The following DPYD variants were observed in gnomAD, a reference collection of about 807,000 sequenced individuals.
DPYD encodes dihydropyrimidine dehydrogenase [NADP(+)].
DPYD carries 109 observed loss-of-function variants against 116.2 expected under a neutral mutation model. That is an observed-to-expected ratio of 0.94 (90% CI 0.80 to 1.10). The LOEUF is 1.10. Ranked by LOEUF, DPYD falls within the 50% of genes least tolerant of loss-of-function variation. The pLI, the probability that DPYD is intolerant of heterozygous loss-of-function variation, is 0.00. For synonymous variants in DPYD, 440 were observed against 432.0 expected (o/e 1.02, Z -0.23); for missense variants, 1,302 against 1,254.5 (o/e 1.04, Z -0.57).
rs74678736 is a variant in DPYD at position 97,571,143 on chromosome 1, A to G, written c.1339+2617T>C. On this transcript the variant is annotated intron_variant, in intron 11 of 22. Coordinates refer to ENST00000370192, the MANE Select transcript of DPYD (RefSeq NM_000110.4). The stretch of plus-strand genomic sequence containing the variant: ...ATTTCACTGAAGAAATAAATACGAT[A>G]AGGAGAGAAAATGAACAAATTCTGA... Among the ~76,000 whole-genome samples, 1,048 of 152,124 alleles carry G rather than the reference A, an allele frequency of 6.9e-3. 11 individuals are homozygous for G. The highest frequency in any genetic ancestry group is 0.024 in the African/African-American group (1,008 of 41,546).
chr1:97,468,157 A>C (rs2101842872), intron 13 of DPYD, among the ~76,000 whole-genome samples: 1 of 152,270 alleles, frequency 6.6e-6, no homozygotes, highest in Admixed American at 6.5e-5. Context: ...TGGACACTAA[A>C]ATTTGACTTC....
chr1:97,673,203 A>G (rs761106750), intron 8 of DPYD, among the ~76,000 whole-genome samples: 1 of 152,036 alleles, frequency 6.6e-6, no homozygotes. Flanking sequence ...CTTACCCATC[A>G]AAGAGTGTTA....
chr1:97,801,421 C>T (rs1244178691), intron 3 of DPYD, among the ~76,000 whole-genome samples: 1 of 151,840 alleles, frequency 6.6e-6, no homozygotes, highest in Non-Finnish European at 1.5e-5. Flanking sequence ...ATGGATACAG[C>T]TTATGTCACT....
chr1:97,668,085 T>C (rs1006134711), intron 8 of DPYD, among the ~76,000 whole-genome samples: 7 of 152,174 alleles, frequency 4.6e-5, no homozygotes, highest in Non-Finnish European at 1.5e-5. Flanking sequence ...TGAATAGTGC[T>C]GATGGTTGCA....
At chr1:97,549,863 T>G in intron 11 of DPYD, 119 bp from the exon 12 acceptor site, 5 of 914,664 alleles carry the variant, frequency 5.5e-6, no homozygotes, top group South Asian at 1.6e-5. Context: ...CAAACAACTG[T>G]TTTTAGTAAA....
At chr1:97,674,955 G>A (rs1189766922) in intron 8 of DPYD, among the ~76,000 whole-genome samples, 2 of 152,128 alleles carry the variant, frequency 1.3e-5, no homozygotes, top group Non-Finnish European at 2.9e-5. Flanking sequence ...CCCTTACATT[G>A]TATAGCATTG....
chr1:97,249,945 C>T (rs1257425310), intron 18 of DPYD, among the ~76,000 whole-genome samples: 2 of 152,104 alleles, frequency 1.3e-5, no homozygotes, highest in Non-Finnish European at 2.9e-5. Flanking sequence ...TGGAACAAAA[C>T]GAACTCTCAC....
intron 3 of DPYD, among the ~76,000 whole-genome samples, chr1:97,817,957 T>G (rs1184587282): frequency 2.0e-5 from 3 of 152,064 alleles, no homozygotes; most frequent in African/African-American, 7.2e-5. Context: ...TGATAAGCAT[T>G]CTAGAGTAAC....
intron 3 of DPYD, among the ~76,000 whole-genome samples, chr1:97,802,503 C>A (rs2101341226): frequency 6.6e-6 from 1 of 151,972 alleles, no homozygotes; most frequent in South Asian, 2.1e-4. Flanking sequence ...ATATAAGGAA[C>A]CACAGAGTCA....
intron 5 of DPYD, among the ~76,000 whole-genome samples, chr1:97,711,116 C>T (rs1252178623): frequency 6.6e-6 from 1 of 151,778 alleles, no homozygotes; most frequent in Admixed American, 6.6e-5. Context: ...TCCTAAAAAT[C>T]TTCGACTTTA....
intron 20 of DPYD, among the ~76,000 whole-genome samples, chr1:97,118,959 A>G (rs1017500281): frequency 2.0e-5 from 3 of 152,196 alleles, no homozygotes; most frequent in Non-Finnish European, 2.9e-5. Context: ...AAGAGGATAC[A>G]ATAATATAAT....
At chr1:97,084,250 C>T (rs962384914) in intron 21 of DPYD, among the ~76,000 whole-genome samples, 5 of 152,052 alleles carry the variant, frequency 3.3e-5, no homozygotes, top group African/African-American at 1.2e-4. Context: ...CACTTTTCAA[C>T]TGACCCATCT....
chr1:97,895,071 A>C (rs1454018703), intron 1 of DPYD, among the ~76,000 whole-genome samples: 1 of 151,824 alleles, frequency 6.6e-6, no homozygotes, highest in Non-Finnish European at 1.5e-5. Flanking sequence ...GAAAATCTAT[A>C]TTTTAGCATT....
intron 8 of DPYD, among the ~76,000 whole-genome samples, chr1:97,644,707 C>T (rs771935876): frequency 6.6e-6 from 1 of 151,904 alleles, no homozygotes; most frequent in Non-Finnish European, 1.5e-5. Flanking sequence ...ATCTGCCCAC[C>T]TCAGCCTCCC....
At chr1:97,326,064 A>T (rs1211816681) in intron 16 of DPYD, among the ~76,000 whole-genome samples, 1 of 151,818 alleles carries the variant, frequency 6.6e-6, no homozygotes, top group African/African-American at 2.4e-5. Flanking sequence ...CAGAAAGAGA[A>T]GGTATGGCTA....
chr1:97,465,126 C>A (rs956772744), intron 13 of DPYD, among the ~76,000 whole-genome samples: 10 of 152,170 alleles, frequency 6.6e-5, no homozygotes, highest in Non-Finnish European at 1.2e-4. Flanking sequence ...GACTGCCCTG[C>A]TGGATTTCAG....
chr1:97,286,712 C>T (rs1028692355), intron 18 of DPYD, among the ~76,000 whole-genome samples: 6 of 151,848 alleles, frequency 4.0e-5, no homozygotes, highest in African/African-American at 9.7e-5. Context: ...TTGATCGCAT[C>T]GGCTCCTGAG....
chr1:97,502,065 A>G (rs1312674106), intron 13 of DPYD, among the ~76,000 whole-genome samples: 1 of 152,062 alleles, frequency 6.6e-6, no homozygotes, highest in African/African-American at 2.4e-5. Context: ...GTAACAAAGA[A>G]TGATCCTTTA....
chr1:97,914,594 G>C (rs1454025702), intron 1 of DPYD, among the ~76,000 whole-genome samples: 1 of 152,094 alleles, frequency 6.6e-6, no homozygotes, highest in Non-Finnish European at 1.5e-5. Flanking sequence ...GATGGGGCTA[G>C]CCTGGATTTG....
Sources: gnomAD v4.1 joint callset for allele counts (sites outside exome capture counted in the v4.1 genomes callset) on GRCh38, gnomAD v4.1.1 for gene constraint, MANE v1.5 for transcripts, NCBI Gene and HGNC (gene_info 2026-07-23, HGNC 2026-07-21) for gene names.